B3GNT5: variants seen among roughly 807,000 people sequenced by gnomAD.
B3GNT5 encodes UDP-GlcNAc:betaGal beta-1,3-N-acetylglucosaminyltransferase 5.
In B3GNT5, 11 loss-of-function variants were observed where a neutral mutation model predicts 25.9. The observed-to-expected ratio is 0.42, with a 90% CI of 0.27 to 0.70. The LOEUF is 0.70. Ranked by LOEUF, B3GNT5 falls within the 30% of genes least tolerant of loss-of-function variation. The pLI is 0.23. For synonymous variants in B3GNT5, 166 were observed against 158.6 expected (o/e 1.05, Z -0.35); for missense variants, 385 against 458.4 (o/e 0.84, Z 1.46).
chr3:183,264,491 T>C (rs1209600907), intron 1 of B3GNT5, among the ~76,000 whole-genome samples: 4 of 152,220 alleles, frequency 2.6e-5, no homozygotes, highest in South Asian at 2.1e-4. Context: ...TGCTTTGAGA[T>C]TGGAGACTGT....
Position 183,269,873 on chromosome 3 carries a change from A to C in B3GNT5, c.75A>C (p.Leu25Phe). The C allele has an allele frequency of 1.2e-6, 2 of 1,613,906 alleles. No homozygotes were observed. The highest frequency in any genetic ancestry group is 1.7e-6 in the Non-Finnish European group (2 of 1,179,948). Residue 25 changes from leucine to phenylalanine, a missense_variant, in exon 2 of 2, where the codon TTA (leucine) becomes TTC (phenylalanine). By Grantham distance (22) the Leu-to-Phe change is conservative (BLOSUM62 0). Coordinates refer to ENST00000326505, the MANE Select transcript of B3GNT5 (RefSeq NM_032047.5). ...TTCAGTTATTTGCTACTTGTTTTTTAGCGAGCCTCATGTTTTTTTGGGAAC... is the reference window on the plus strand; with the variant it reads ...TTCAGTTATTTGCTACTTGTTTTTTCGCGAGCCTCATGTTTTTTTGGGAAC... ...LIIQLFATCF[L>F]ASLMFFWEPI...
intron 1 of B3GNT5, chr3:183,254,519 C>G (rs1159057378): frequency 6.6e-6 from 1 of 152,154 alleles, no homozygotes; most frequent in African/African-American, 2.4e-5. Context: ...GCTCGGGGGC[C>G]GGGCAGCTCC....
chr3:183,254,295 C>T (rs919549710), intron 1 of B3GNT5: 1 of 151,804 alleles, frequency 6.6e-6, no homozygotes, highest in Non-Finnish European at 1.5e-5. Flanking sequence ...CGGGGCCCGC[C>T]GCCCTGGCCC....
In B3GNT5 at chr3:183,272,177, A is replaced by G; in HGVS notation, c.*1242A>G. 1 of 1,000,278 alleles carries G rather than the reference A, an allele frequency of 1.0e-6. No homozygotes were observed. The highest frequency in any genetic ancestry group is 1.2e-6 in the Non-Finnish European group (1 of 829,980). The allele number at this position is 1,000,278 out of a possible 1,614,324, so 62.0% of individuals were successfully genotyped here. A position where few individuals can be genotyped will look rare whatever the true frequency, so the allele number is the denominator to read the frequency against. ...CTGCATGTTCCTTGTAATCAAAGAG[A>G]TGTGTCTGAGATCTAATAGAGTAAG... On this transcript the variant is annotated 3_prime_UTR_variant, in exon 2 of 2. Transcript: ENST00000326505.
At chr3:183,255,196 T>A (rs576119588) in intron 1 of B3GNT5, among the ~76,000 whole-genome samples, 2 of 152,314 alleles carry the variant, frequency 1.3e-5, no homozygotes, top group Non-Finnish European at 2.9e-5. Flanking sequence ...AAAGCCGAAG[T>A]TGACCCAGAA....
At position 183,270,651 on chromosome 3, in the gene B3GNT5, T is replaced by C. The variant is rs139703393; in HGVS notation, c.853T>C (p.Phe285Leu). The C allele has an allele frequency of 6.0e-5, 97 of 1,614,080 alleles. No individual in the cohort carries two copies. The highest frequency in any genetic ancestry group is 8.2e-5 in the Non-Finnish European group (97 of 1,180,042). ...TTCAAGTCTTTACATAGACGATGTG[T>C]TCATGGGCCTCTGTGCCAATAAAAT... Reference protein sequence around the residue: ...LNSSLYIDDVFMGLCANKIGI... With the variant: ...LNSSLYIDDVLMGLCANKIGI... The change falls in exon 2 of 2, where the codon TTC becomes CTC. Residue 285 changes from phenylalanine (F) to leucine (L), a missense_variant. By Grantham distance (22) the Phe-to-Leu change is conservative (BLOSUM62 0). Transcript: ENST00000326505. This position sits in a 1 kb window ranked among gnomAD's most constrained non-coding sequence, Gnocchi z 4.5.
Position 183,272,752 on chromosome 3 carries a change from T to C in B3GNT5, c.*1817T>C, listed in dbSNP as rs1726888961. 9.4e-7 allele frequency: 1 copy of C among 1,067,270 alleles called. No homozygotes were observed. The highest frequency in any genetic ancestry group is 1.1e-6 in the Non-Finnish European group (1 of 874,168). 66.1% of individuals were successfully genotyped at this position (1,067,270 alleles called of 1,614,324 possible). ...TTATAATTAATTTTTATTAGTTGAT[T>C]GATTAATGATGTATTGCCTTTTGCC... On this transcript the variant is annotated 3_prime_UTR_variant, in exon 2 of 2. Coordinates refer to ENST00000326505, the MANE Select transcript of B3GNT5 (RefSeq NM_032047.5).
At chr3:183,259,588 T>C (rs532059718) in intron 1 of B3GNT5, among the ~76,000 whole-genome samples, 1 of 152,292 alleles carries the variant, frequency 6.6e-6, no homozygotes, top group South Asian at 2.1e-4. Flanking sequence ...AATGGCAGCT[T>C]TTCCAGGCCA....
At position 183,270,548 on chromosome 3, in the gene B3GNT5, T is replaced by C. The variant is rs1560390055; in HGVS notation, c.750T>C (p.Pro250=). The change falls in exon 2 of 2, where the codon CCT becomes CCC. Residue 250 remains proline, a synonymous_variant. Transcript: ENST00000326505. This position sits in a 1 kb window ranked among gnomAD's most constrained non-coding sequence, Gnocchi z 4.5. ...AAATGTACCAGTGGCCAGCTTACCC[T>C]GACTACACAGCCGGAGCTGCCTATG... is the stretch of plus-strand genomic sequence containing the variant. ...SYEMYQWPAY[P]DYTAGAAYVI... 6.2e-7 allele frequency: 1 copy of C among 1,614,154 alleles called. No homozygotes were observed. Among genetic ancestry groups the C allele is most frequent in the East Asian group, 2.2e-5 (1 of 44,878 alleles).
In B3GNT5 at chr3:183,271,706, C is replaced by G. The variant is rs575834305; in HGVS notation, c.*771C>G. The G allele has an allele frequency of 1.2e-5, 2 of 166,804 alleles. No individual in the cohort carries two copies. The highest frequency in any genetic ancestry group is 4.8e-5 in the African/African-American group (2 of 41,450). The allele number at this position is 166,804 out of a possible 1,614,324, so 10.3% of individuals were successfully genotyped here. A position where few individuals can be genotyped will look rare whatever the true frequency, so the allele number is the denominator to read the frequency against. On this transcript the variant is annotated 3_prime_UTR_variant, in exon 2 of 2. Transcript: ENST00000326505. ...ATAGGGTCCTTCTCTAGGGAGAAAC[C>G]ATTGTTAATTCAAATAAGCTGATTT...
At chr3:183,255,934 T>C (rs920444332) in intron 1 of B3GNT5, among the ~76,000 whole-genome samples, 1 of 152,210 alleles carries the variant, frequency 6.6e-6, no homozygotes, top group African/African-American at 2.4e-5. Flanking sequence ...TCATTGCACT[T>C]GGTGACTTTC....
chr3:183,264,000 G>C (rs548193565), intron 1 of B3GNT5, among the ~76,000 whole-genome samples: 1 of 152,222 alleles, frequency 6.6e-6, no homozygotes, highest in African/African-American at 2.4e-5. Flanking sequence ...CCAGCGTCCT[G>C]ATCTTCAGGC....
chr3:183,268,509 T>TG (rs58535820), intron 1 of B3GNT5, among the ~76,000 whole-genome samples: 59 of 148,504 alleles, frequency 4.0e-4, no homozygotes, highest in Middle Eastern at 3.5e-3. Context: ...GTGGAGAAAA[T>TG]GGGGGGGGCG....
rs947855809 is a variant in B3GNT5, at chr3:183,253,355, C to A, written c.-419C>A. On this transcript the variant is annotated 5_prime_UTR_variant, in exon 1 of 2. Coordinates refer to ENST00000326505, the MANE Select transcript of B3GNT5 (RefSeq NM_032047.5). ...CCGCAAGTTTTGTTCTTGAGACCAG[C>A]GACTTTAGCTCCGATGCGGGAAGGA... is the stretch of plus-strand genomic sequence containing the variant. 6.6e-6 allele frequency: 1 copy of A among 152,334 alleles called. No individual in the cohort carries two copies. Among genetic ancestry groups the A allele is most frequent in the East Asian group, 1.9e-4 (1 of 5,184 alleles). The allele number at this position is 152,334 out of a possible 1,614,324, so 9.4% of individuals were successfully genotyped here. A position where few individuals can be genotyped will look rare whatever the true frequency, so the allele number is the denominator to read the frequency against.
chr3:183,269,027 AAAAG>A (rs1201171038), intron 1 of B3GNT5, among the ~76,000 whole-genome samples: 1 of 152,102 alleles, frequency 6.6e-6, no homozygotes, highest in Non-Finnish European at 1.5e-5. Flanking sequence ...AAAAAAAGAA[AAAAG>A]AAGTCTTACT....
chr3:183,268,320 A>G (rs1207247891), intron 1 of B3GNT5, among the ~76,000 whole-genome samples: 1 of 152,344 alleles, frequency 6.6e-6, no homozygotes, highest in East Asian at 1.9e-4. Flanking sequence ...GAAGGAGTTA[A>G]AAGAGCTCAG....
intron 1 of B3GNT5, among the ~76,000 whole-genome samples, chr3:183,256,136 A>G (rs1560373487): frequency 6.6e-6 from 1 of 152,232 alleles, no homozygotes; most frequent in Non-Finnish European, 1.5e-5. Flanking sequence ...TTGAATTTTT[A>G]TAATACATTA....
At position 183,267,934 on chromosome 3, in the gene B3GNT5, G is replaced by A. The variant is rs192960162; in HGVS notation, c.-301-1564G>A. Among the ~76,000 whole-genome samples, 3 of 152,266 alleles carry A rather than the reference G, an allele frequency of 2.0e-5. No individual in the cohort carries two copies. The highest frequency in any genetic ancestry group is 2.9e-5 in the Non-Finnish European group (2 of 68,022). On this transcript the variant is annotated intron_variant, in intron 1 of 1. Coordinates refer to ENST00000326505, the MANE Select transcript of B3GNT5 (RefSeq NM_032047.5). The surrounding 1 kb of genome is among the most constrained non-coding windows in gnomAD (Gnocchi z 5.5). Reference sequence around the variant, plus strand: ...CAACATTTGGGGAATGCCTACCAGGGGTCACACACTGAGCTGGATGCTGAG... The same window carrying A: ...CAACATTTGGGGAATGCCTACCAGGAGTCACACACTGAGCTGGATGCTGAG...
chr3:183,261,899 A>G (rs1490865802), intron 1 of B3GNT5, among the ~76,000 whole-genome samples: 2 of 150,338 alleles, frequency 1.3e-5, no homozygotes, highest in Non-Finnish European at 3.0e-5. Context: ...TTTTTCAGCT[A>G]TGTAGAACAC....
Sources: gnomAD v4.1 joint callset for allele counts (sites outside exome capture counted in the v4.1 genomes callset) on GRCh38, gnomAD v4.1.1 for gene constraint, Gnocchi (gnomAD v3.1) non-coding constraint, MANE v1.5 for transcripts, NCBI Gene and HGNC (gene_info 2026-07-23, HGNC 2026-07-21) for gene names.